NPAS3: variants seen among roughly 807,000 people sequenced by gnomAD.
The protein encoded by NPAS3 is neuronal PAS domain protein 3, also known as neuronal PAS domain-containing protein 3.
A neutral mutation model predicts 73.1 loss-of-function variants in NPAS3; 14 were observed. The ratio of observed to expected loss-of-function variants is 0.19; its 90% CI spans 0.13 to 0.30. The LOEUF is 0.30. NPAS3 is among the 10% of genes least tolerant of loss of function. The pLI, the probability that NPAS3 is intolerant of heterozygous loss-of-function variation, is 1.00. For synonymous variants in NPAS3, 620 were observed against 541.5 expected (o/e 1.14, Z -2.01); for missense variants, 1,096 against 1,250.0 (o/e 0.88, Z 1.86).
chr14:33,547,977 G>A (rs1210092128), intron 4 of NPAS3, among the ~76,000 whole-genome samples: 5 of 152,190 alleles, frequency 3.3e-5, no homozygotes, highest in African/African-American at 9.7e-5. Context: ...TCTAGACTAA[G>A]ATAACTACTA....
intron 3 of NPAS3, among the ~76,000 whole-genome samples, chr14:33,360,068 G>A (rs1398855822): frequency 1.3e-5 from 2 of 152,176 alleles, no homozygotes; most frequent in East Asian, 3.9e-4. Flanking sequence ...TGGCCCACTG[G>A]CCTCCGCTGA....
chr14:33,540,862 A>G (rs1418810376), intron 4 of NPAS3, among the ~76,000 whole-genome samples: 1 of 152,196 alleles, frequency 6.6e-6, no homozygotes, highest in Non-Finnish European at 1.5e-5. Flanking sequence ...ACCACTTTCA[A>G]GCTAAAGAAA....
At chr14:33,406,366 G>A (rs898545961) in intron 4 of NPAS3, among the ~76,000 whole-genome samples, 1 of 152,020 alleles carries the variant, frequency 6.6e-6, no homozygotes, top group African/African-American at 2.4e-5. Flanking sequence ...AGAGATGCAG[G>A]GTTATCAAAA....
rs2057888302 is a variant in NPAS3 at position 33,615,543 on chromosome 14, G to A, written c.558+55333G>A. ...CTTCAGTGTGTCAATCCTGGTGACT[G>A]TGACTCAGAAAATAGGAGTACCATG... On this transcript the variant is annotated intron_variant, in intron 5 of 11. Coordinates refer to ENST00000356141, the Ensembl canonical transcript of NPAS3. 2.0e-5 allele frequency among the ~76,000 whole-genome samples: 3 copies of A among 152,180 alleles called. No individual in the cohort carries two copies. The South Asian group carries it at 6.2e-4, about 32-fold the overall frequency.
At chr14:33,031,725 G>A (rs554917804) in intron 1 of NPAS3, among the ~76,000 whole-genome samples, 34 of 152,256 alleles carry the variant, frequency 2.2e-4, no homozygotes, top group African/African-American at 8.2e-4. Context: ...TTGGGTTCCC[G>A]AAGTTCCCAA....
intron 4 of NPAS3, among the ~76,000 whole-genome samples, chr14:33,415,402 C>T (rs759053257): frequency 5.9e-5 from 9 of 152,070 alleles, no homozygotes; most frequent in Non-Finnish European, 8.8e-5. Flanking sequence ...CCCAGTCTGT[C>T]CTTCTATCCA....
chr14:33,699,448 A>G (rs1463949711), intron 6 of NPAS3, among the ~76,000 whole-genome samples: 1 of 152,288 alleles, frequency 6.6e-6, no homozygotes, highest in East Asian at 1.9e-4. Flanking sequence ...AATTATTTGC[A>G]CGGAATCACC....
chr14:33,295,405 G>A (rs912531645), intron 3 of NPAS3, among the ~76,000 whole-genome samples: 2 of 152,176 alleles, frequency 1.3e-5, no homozygotes, highest in Non-Finnish European at 2.9e-5. Context: ...TACTCCGCAT[G>A]CTGGCTTTCA....
chr14:33,059,426 A>G (rs1440802406), intron 2 of NPAS3, among the ~76,000 whole-genome samples: 2 of 152,218 alleles, frequency 1.3e-5, no homozygotes, highest in Admixed American at 6.5e-5. Context: ...TATACTTTCA[A>G]TTTAAAATTT....
chr14:33,582,719 G>A (rs2056714096), intron 5 of NPAS3, among the ~76,000 whole-genome samples: 1 of 152,088 alleles, frequency 6.6e-6, no homozygotes, highest in Non-Finnish European at 1.5e-5. Flanking sequence ...CGGATATTAA[G>A]ATAATAAGTC....
intron 8 of NPAS3, 115 bp from the exon 9 acceptor site, chr14:33,778,351 C>T: frequency 1.4e-6 from 1 of 693,678 alleles, no homozygotes; most frequent in Non-Finnish European, 2.5e-6. Context: ...AGTGCCACCT[C>T]CTCACGGGTA....
chr14:33,182,999 C>T (rs942951509), intron 2 of NPAS3, among the ~76,000 whole-genome samples: 5 of 152,186 alleles, frequency 3.3e-5, no homozygotes, highest in Non-Finnish European at 5.9e-5. Flanking sequence ...GTGGACAACT[C>T]CCTTCTTCAA....
chr14:32,948,270 A>T lies in NPAS3; in HGVS notation c.50+8904A>T, dbSNP rs200285069. Among the ~76,000 whole-genome samples the T allele has an allele frequency of 2.0e-5, 3 of 152,236 alleles. No homozygotes were observed. The East Asian group carries it at 5.8e-4, about 29-fold the overall frequency. ...AAAAATTTATATTTTGGGGATGTCA[A>T]AGTTGTCCAAAAATGGTTTTATTGG... On this transcript the variant is annotated intron_variant, in intron 1 of 11. Coordinates refer to ENST00000356141, the Ensembl canonical transcript of NPAS3.
At chr14:33,141,797 G>A (rs1286777884) in intron 2 of NPAS3, among the ~76,000 whole-genome samples, 2 of 152,130 alleles carry the variant, frequency 1.3e-5, no homozygotes, top group African/African-American at 4.8e-5. Context: ...GAATAGAATT[G>A]GGATGAAGGA....
chr14:33,768,737 T>C (rs2062545229), intron 7 of NPAS3, among the ~76,000 whole-genome samples: 1 of 152,238 alleles, frequency 6.6e-6, no homozygotes, highest in Non-Finnish European at 1.5e-5. Flanking sequence ...GAACCAGGAC[T>C]GAAAACAGAT....
At chr14:33,175,744 A>ATT (rs1269294103) in intron 2 of NPAS3, among the ~76,000 whole-genome samples, 1 of 152,192 alleles carries the variant, frequency 6.6e-6, no homozygotes, top group Non-Finnish European at 1.5e-5. Context: ...CAATGGGATG[A>ATT]CATCATATTC....
At chr14:33,269,283 C>G (rs1239406040) in intron 3 of NPAS3, among the ~76,000 whole-genome samples, 1 of 152,146 alleles carries the variant, frequency 6.6e-6, no homozygotes, top group Admixed American at 6.6e-5. Flanking sequence ...ACAACACCCT[C>G]CTAAGTTGGT....
chr14:33,278,285 G>A (rs1456425552), intron 3 of NPAS3, among the ~76,000 whole-genome samples: 2 of 152,114 alleles, frequency 1.3e-5, no homozygotes, highest in East Asian at 3.9e-4. Context: ...TTGGGGCTGT[G>A]GAAGTATACA....
rs1042683564 is a variant in NPAS3, at chr14:33,366,173, C to T, written c.386-1013C>T. Among the ~76,000 whole-genome samples the T allele has an allele frequency of 6.6e-5, 10 of 152,144 alleles. 1 individual carries two copies. The East Asian group carries it at 7.7e-4, about 12-fold the overall frequency. On this transcript the variant is annotated intron_variant, in intron 3 of 11. Transcript: ENST00000356141. Reference sequence around the variant, plus strand: ...TTTGTCTATAAATTTGTTCTGACCACGACGCATCCCTGGAGTCTCTCTGAA... The same window carrying T: ...TTTGTCTATAAATTTGTTCTGACCATGACGCATCCCTGGAGTCTCTCTGAA...
Sources: gnomAD v4.1 joint callset for allele counts (sites outside exome capture counted in the v4.1 genomes callset) on GRCh38, gnomAD v4.1.1 for gene constraint, MANE v1.5 for transcripts, NCBI Gene and HGNC (gene_info 2026-07-23, HGNC 2026-07-21) for gene names.